PPP3R1: variants seen among roughly 807,000 people sequenced by gnomAD.
PPP3R1 encodes calcineurin subunit B type 1.
A neutral mutation model predicts 22.6 loss-of-function variants in PPP3R1; 5 were observed. The observed-to-expected ratio is 0.22, with a 90% CI of 0.12 to 0.46. The LOEUF is 0.46. Among genes scored for constraint, PPP3R1 ranks in the 20% least tolerant of loss-of-function variants. The pLI, the probability that PPP3R1 is intolerant of heterozygous loss-of-function variation, is 0.99. For synonymous variants in PPP3R1, 56 were observed against 65.2 expected (o/e 0.86, Z 0.68); for missense variants, 61 against 203.2 (o/e 0.30, Z 4.25).
At position 68,221,554 on chromosome 2, in the gene PPP3R1, G is replaced by C. The variant is rs146159229; in HGVS notation, c.4-4423C>G. The stretch of plus-strand genomic sequence containing the variant: ...CACTTTTAAAATGACTTTGTTATGT[G>C]AATTTCACATCAATAAAACGTTTTA... On this transcript the variant is annotated intron_variant, in intron 1 of 5. Transcript: ENST00000234310. 3.2e-3 allele frequency among the ~76,000 whole-genome samples: 488 copies of C among 152,214 alleles called. 5 individuals carry two copies. Among genetic ancestry groups the C allele is most frequent in the Non-Finnish European group, 3.6e-3 (246 of 68,004 alleles).
intron 1 of PPP3R1, among the ~76,000 whole-genome samples, chr2:68,230,541 CA>C (rs1233339797): frequency 2.0e-5 from 3 of 152,266 alleles, no homozygotes; most frequent in Admixed American, 6.5e-5. Flanking sequence ...TTTGCTTCAA[CA>C]CTCAAACATA....
At chr2:68,188,736 C>G in intron 2 of PPP3R1, 46 bp from the exon 3 acceptor site, 1 of 1,486,596 alleles carries the variant, frequency 6.7e-7, no homozygotes, top group South Asian at 1.4e-5. Context: ...AAAAATGTTC[C>G]CAAATCCTTT....
chr2:68,204,157 T>C (rs1675054702), intron 2 of PPP3R1, among the ~76,000 whole-genome samples: 1 of 152,100 alleles, frequency 6.6e-6, no homozygotes, highest in Non-Finnish European at 1.5e-5. Flanking sequence ...TTTCCAAAGT[T>C]ATCATGCCAA....
intron 1 of PPP3R1, among the ~76,000 whole-genome samples, chr2:68,221,797 T>G (rs997141692): frequency 6.6e-6 from 1 of 151,956 alleles, no homozygotes; most frequent in Non-Finnish European, 1.5e-5. Context: ...ATATTTCTCC[T>G]TAGATACACC....
At chr2:68,241,028 G>A (rs1211837073) in intron 1 of PPP3R1, among the ~76,000 whole-genome samples, 2 of 152,190 alleles carry the variant, frequency 1.3e-5, no homozygotes, top group African/African-American at 4.8e-5. Context: ...GAAGAAAAAT[G>A]TTAAACCAAA....
intron 5 of PPP3R1, among the ~76,000 whole-genome samples, chr2:68,185,217 C>CAAA (rs1305057114): frequency 7.1e-5 from 5 of 70,440 alleles, no homozygotes; most frequent in East Asian, 3.9e-4. Context: ...GACTCCGTTT[C>CAAA]AAAAAAAAAA....
chr2:68,246,906 C>T (rs1670246873), intron 1 of PPP3R1, among the ~76,000 whole-genome samples: 1 of 152,142 alleles, frequency 6.6e-6, no homozygotes, highest in South Asian at 2.1e-4. Flanking sequence ...ATATAGGTAG[C>T]CAATTACCTG....
At chr2:68,240,169 C>G (rs957906697) in intron 1 of PPP3R1, among the ~76,000 whole-genome samples, 1 of 152,206 alleles carries the variant, frequency 6.6e-6, no homozygotes, top group African/African-American at 2.4e-5. Context: ...ACAACTGAGT[C>G]TCAGCCAATT....
intron 1 of PPP3R1, among the ~76,000 whole-genome samples, chr2:68,239,476 CAG>C (rs1402369840): frequency 1.3e-5 from 2 of 152,130 alleles, no homozygotes; most frequent in South Asian, 2.1e-4. Context: ...AAGAAAAAAA[CAG>C]AGAATAATGA....
intron 2 of PPP3R1, among the ~76,000 whole-genome samples, chr2:68,215,066 T>A (rs905487669): frequency 6.6e-6 from 1 of 152,016 alleles, no homozygotes; most frequent in East Asian, 1.9e-4. Context: ...CACTTGTAAG[T>A]GGGATCTAAA....
intron 2 of PPP3R1, among the ~76,000 whole-genome samples, chr2:68,189,268 T>C (rs1674611838): frequency 6.6e-6 from 1 of 152,172 alleles, no homozygotes; most frequent in Admixed American, 6.5e-5. Context: ...TCCTAAATAT[T>C]CTTCCAGAGA....
intron 2 of PPP3R1, among the ~76,000 whole-genome samples, chr2:68,207,829 G>A (rs1191476975): frequency 6.6e-6 from 1 of 152,122 alleles, no homozygotes; most frequent in African/African-American, 2.4e-5. Context: ...GCTCAATTTT[G>A]AGTGGAACTC....
chr2:68,217,210 C>A, intron 1 of PPP3R1, 79 bp from the exon 2 acceptor site: 3 of 988,586 alleles, frequency 3.0e-6, no homozygotes, highest in South Asian at 1.6e-5. Flanking sequence ...TATTTTAAGT[C>A]AAAAAACATA....
chr2:68,244,725 G>T (rs914162965), intron 1 of PPP3R1, among the ~76,000 whole-genome samples: 1 of 151,840 alleles, frequency 6.6e-6, no homozygotes, highest in Non-Finnish European at 1.5e-5. Flanking sequence ...AACCACTGAA[G>T]TTAATTATCC....
intron 1 of PPP3R1, among the ~76,000 whole-genome samples, chr2:68,223,425 T>C (rs564500500): frequency 2.0e-5 from 3 of 152,196 alleles, no homozygotes; most frequent in Admixed American, 1.3e-4. Flanking sequence ...AAGAAAACTA[T>C]ATCTAATGTT....
intron 1 of PPP3R1, among the ~76,000 whole-genome samples, chr2:68,230,239 T>A (rs537367221): frequency 2.0e-5 from 3 of 152,262 alleles, no homozygotes; most frequent in Non-Finnish European, 4.4e-5. Flanking sequence ...GCAATCCACA[T>A]GCCTCAACCT....
At chr2:68,189,466 ATTT>A (rs979728162) in intron 2 of PPP3R1, among the ~76,000 whole-genome samples, 1 of 152,212 alleles carries the variant, frequency 6.6e-6, no homozygotes, top group African/African-American at 2.4e-5. Flanking sequence ...GGTTTAAGCT[ATTT>A]TCTTCTAAAT....
At chr2:68,222,354 T>C (rs1204019954) in intron 1 of PPP3R1, among the ~76,000 whole-genome samples, 1 of 152,198 alleles carries the variant, frequency 6.6e-6, no homozygotes, top group Non-Finnish European at 1.5e-5. Flanking sequence ...TAATTTTGTG[T>C]CAACCTAACT....
At chr2:68,186,425 G>A (rs746713581) in intron 5 of PPP3R1, 43 bp downstream of exon 5, 2 of 1,519,918 alleles carry the variant, frequency 1.3e-6, no homozygotes, top group Non-Finnish European at 1.8e-6. Flanking sequence ...AAAATATGTT[G>A]CTGAAACATA....
Sources: gnomAD v4.1 joint callset for allele counts (sites outside exome capture counted in the v4.1 genomes callset) on GRCh38, gnomAD v4.1.1 for gene constraint, MANE v1.5 for transcripts, NCBI Gene and HGNC (gene_info 2026-07-23, HGNC 2026-07-21) for gene names.